The following YIPF1 variants were observed in gnomAD, a reference collection of about 807,000 sequenced individuals.
YIPF1 encodes protein YIPF1.
In YIPF1, 22 loss-of-function variants were observed where a neutral mutation model predicts 37.0. The ratio of observed to expected loss-of-function variants is 0.59; its 90% CI spans 0.42 to 0.85. The LOEUF is 0.85. YIPF1 is among the 40% of genes least tolerant of loss of function. YIPF1 has a pLI of 0.00. For synonymous variants in YIPF1, 128 were observed against 131.9 expected (o/e 0.97, Z 0.21); for missense variants, 355 against 373.1 (o/e 0.95, Z 0.40).
intron 6 of YIPF1, among the ~76,000 whole-genome samples, chr1:53,871,989 G>A (rs188405876): frequency 2.0e-5 from 3 of 148,924 alleles, no homozygotes; most frequent in Admixed American, 1.4e-4. Flanking sequence ...AGTTCACCAC[G>A]GTTGTGTTGA....
Position 53,863,887 on chromosome 1 carries a change from G to A in YIPF1, c.831+2313C>T, listed in dbSNP as rs550220867. 2.6e-5 allele frequency among the ~76,000 whole-genome samples: 4 copies of A among 152,152 alleles called. No homozygotes were observed. In the South Asian group the frequency reaches 6.2e-4, roughly 24 times the overall value. The stretch of plus-strand genomic sequence containing the variant: ...CCCTGGTAGCTGAGACTACAAGCAC[G>A]TGCCACCATACCTGGCTGATTTTTT... On this transcript the variant is annotated intron_variant, in intron 9 of 10. Coordinates refer to ENST00000072644, the MANE Select transcript of YIPF1 (RefSeq NM_018982.5).
In YIPF1 at chr1:53,862,473, C is replaced by T. The variant is rs76939333; in HGVS notation, c.832-2320G>A. ...CCACCTCAAACTTAGGCTTGTACAT[C>T]TCCAAACATACACCAAGGGTGCAGC... is the stretch of plus-strand genomic sequence containing the variant. On this transcript the variant is annotated intron_variant, in intron 9 of 10. Transcript: ENST00000072644. Among the ~76,000 whole-genome samples, 1,008 of 152,318 alleles carry T rather than the reference C, an allele frequency of 6.6e-3. 8 individuals carry two copies. The highest frequency in any genetic ancestry group is 0.011 in the Non-Finnish European group (738 of 68,030).
chr1:53,868,367 T>C (rs1650087313), intron 7 of YIPF1, among the ~76,000 whole-genome samples: 1 of 152,140 alleles, frequency 6.6e-6, no homozygotes, highest in South Asian at 2.1e-4. Flanking sequence ...AAGAAACTCT[T>C]GGGGGTAAGT....
At position 53,889,224 on chromosome 1, in the gene YIPF1, A is replaced by T. The variant is rs984750419; in HGVS notation, c.-50+20T>A. ...AACCTTATTTGGTTGTGTATGTACC[A>T]GGAATGAATCTCAACTCACTGTGTG... On this transcript the variant is annotated intron_variant, in intron 2 of 10. Coordinates refer to ENST00000072644, the MANE Select transcript of YIPF1 (RefSeq NM_018982.5). 6 of 342,218 alleles carry T rather than the reference A, an allele frequency of 1.8e-5. No homozygotes were observed. The highest frequency in any genetic ancestry group is 3.3e-5 in the Non-Finnish European group (6 of 181,702). 21.2% of individuals were successfully genotyped at this position (342,218 alleles called of 1,614,324 possible). A position where few individuals can be genotyped will look rare whatever the true frequency, so the allele number is the denominator to read the frequency against.
At chr1:53,855,197 T>G (rs1268257258) in intron 10 of YIPF1, 1 of 151,540 alleles carries the variant, frequency 6.6e-6, no homozygotes, top group African/African-American at 2.4e-5. Context: ...CCAGAAGCCC[T>G]CTCTGCATCA....
chr1:53,854,532 C>A (rs889675808), intron 10 of YIPF1, among the ~76,000 whole-genome samples: 9 of 152,220 alleles, frequency 5.9e-5, no homozygotes, highest in Non-Finnish European at 1.0e-4. Context: ...CTGTCCCTTT[C>A]CTTGCCTCAG....
chr1:53,880,893 C>T (rs1650478558), intron 4 of YIPF1, among the ~76,000 whole-genome samples: 1 of 152,084 alleles, frequency 6.6e-6, no homozygotes, highest in Non-Finnish European at 1.5e-5. Flanking sequence ...CTTCCTTATA[C>T]CATAAGCAAA....
chr1:53,888,958 C>T lies in YIPF1; in HGVS notation c.-21G>A. 1 of 1,594,482 alleles carries T rather than the reference C, an allele frequency of 6.3e-7. No individual in the cohort carries two copies. The highest frequency in any genetic ancestry group is 1.1e-5 in the South Asian group (1 of 89,910). ...GCCATTCGGCCAGTGAGTCTTCTCC[C>T]AATTATGAGGAAGAAAATTTGCAGG... is the stretch of plus-strand genomic sequence containing the variant. On this transcript the variant is annotated 5_prime_UTR_variant, in exon 3 of 11. Transcript: ENST00000072644.
Position 53,883,285 on chromosome 1 carries a change from A to C in YIPF1, c.32-9T>G. The C allele has an allele frequency of 6.5e-7, 1 of 1,549,764 alleles. No individual in the cohort carries two copies. Among genetic ancestry groups the C allele is most frequent in the Non-Finnish European group, 8.7e-7 (1 of 1,151,252 alleles). ...GGCTGCATTGCCAAATTCTGAAATC[A>C]ATTAGAGCACACGGGCCTCAGAAAC... On this transcript the variant is annotated splice_polypyrimidine_tract_variant and intron_variant, in intron 3 of 10. Coordinates refer to ENST00000072644, the MANE Select transcript of YIPF1 (RefSeq NM_018982.5).
At chr1:53,883,558 T>C (rs1650560713) in intron 3 of YIPF1, among the ~76,000 whole-genome samples, 1 of 152,236 alleles carries the variant, frequency 6.6e-6, no homozygotes, top group Non-Finnish European at 1.5e-5. Context: ...TAAACCCCTC[T>C]AAACCTCAGT....
chr1:53,878,283 A>G (rs184187990), intron 6 of YIPF1, 32 bp downstream of exon 6: 2 of 1,608,036 alleles, frequency 1.2e-6, no homozygotes, highest in African/African-American at 2.7e-5. Flanking sequence ...AGTTCAACTG[A>G]AATACGGTAA....
At chr1:53,884,234 C>CAA (rs3058236) in intron 3 of YIPF1, among the ~76,000 whole-genome samples, 47,053 of 113,810 alleles carry the variant, frequency 0.41, 9,230 homozygotes, top group East Asian at 0.59. Flanking sequence ...GACTTTGTCT[C>CAA]AAAAAAAAAA....
chr1:53,870,470 C>G (rs1385673254), intron 7 of YIPF1, among the ~76,000 whole-genome samples: 2 of 152,058 alleles, frequency 1.3e-5, no homozygotes, highest in Non-Finnish European at 2.9e-5. Context: ...GCAACCATGT[C>G]CAGCCCAGAT....
At chr1:53,862,576 G>A (rs1649912182) in intron 9 of YIPF1, among the ~76,000 whole-genome samples, 1 of 152,094 alleles carries the variant, frequency 6.6e-6, no homozygotes, top group African/African-American at 2.4e-5. Flanking sequence ...CAATCACCGA[G>A]GGGTCCCTGG....
chr1:53,880,608 A>G (rs1650464369), intron 4 of YIPF1, among the ~76,000 whole-genome samples: 1 of 152,240 alleles, frequency 6.6e-6, no homozygotes, highest in Non-Finnish European at 1.5e-5. Flanking sequence ...AGTCAAGACA[A>G]TCCTAAGCAA....
At position 53,860,453 on chromosome 1, in the gene YIPF1, A is replaced by C. The variant is rs115271746; in HGVS notation, c.832-300T>G. Among the ~76,000 whole-genome samples, 440 of 152,354 alleles carry C rather than the reference A, an allele frequency of 2.9e-3. 5 individuals carry two copies. The highest frequency in any genetic ancestry group is 9.8e-3 in the African/African-American group (407 of 41,574). On this transcript the variant is annotated intron_variant, in intron 9 of 10. Transcript: ENST00000072644. ...TAGACAGATAAAGAAACTAAGGCTC[A>C]GAGAGACTGTCATTTGATCAGGTGA...
In YIPF1 at chr1:53,866,200, C is replaced by T; in HGVS notation, c.831G>A (p.Leu277=). The change falls in exon 9 of 11, where the codon TTG becomes TTA. Residue 277 remains leucine (L), a splice_region_variant and synonymous_variant. Transcript: ENST00000072644. ...LLHMLLSVGC[L]AYFFDAPEMD... ...AAAGAATATACGACTGAACCCATACCAAGCAGCCCACAGAAAGCAGCATAT... is the reference window on the plus strand; with the variant it reads ...AAAGAATATACGACTGAACCCATACTAAGCAGCCCACAGAAAGCAGCATAT... 3 of 1,613,432 alleles carry T rather than the reference C, an allele frequency of 1.9e-6. No individual in the cohort carries two copies. Among genetic ancestry groups the T allele is most frequent in the South Asian group, 2.2e-5 (2 of 90,982 alleles).
intron 6 of YIPF1, among the ~76,000 whole-genome samples, chr1:53,875,872 A>G (rs540089853): frequency 4.3e-4 from 65 of 152,286 alleles, no homozygotes; most frequent in African/African-American, 1.5e-3. Flanking sequence ...CAAACACTTC[A>G]TGTCCTTCTT....
rs146139173 is a variant in YIPF1, at chr1:53,852,147, G to A, written c.*132C>T. The A allele has an allele frequency of 2.5e-3, 376 of 152,292 alleles. 3 individuals carry two copies. Among genetic ancestry groups the A allele is most frequent in the African/African-American group, 8.6e-3 (356 of 41,566 alleles). 9.4% of individuals were successfully genotyped at this position (152,292 alleles called of 1,614,324 possible). A position where few individuals can be genotyped will look rare whatever the true frequency, so the allele number is the denominator to read the frequency against. ...TTGTTAAACGGGTGATTAGGCGCCA[G>A]TGTGGCACCATCCAGACACTGGGAA... On this transcript the variant is annotated 3_prime_UTR_variant, in exon 11 of 11. Transcript: ENST00000072644.
Sources: allele counts gnomAD v4.1 joint callset (sites outside exome capture counted in the v4.1 genomes callset), GRCh38; gene constraint gnomAD v4.1.1; transcripts MANE v1.5; gene names NCBI Gene and HGNC (gene_info 2026-07-23, HGNC 2026-07-21).